Variants in KCNN2 observed in about 807,000 individuals in gnomAD.
KCNN2 encodes the protein small conductance calcium-activated potassium channel protein 2.
A neutral mutation model predicts 55.5 loss-of-function variants in KCNN2; 24 were observed. The ratio of observed to expected loss-of-function variants is 0.43; its 90% confidence interval spans 0.31 to 0.61. The LOEUF (loss-of-function observed/expected upper bound fraction) is 0.61. KCNN2 is among the 20% of genes least tolerant of loss of function. KCNN2 has a pLI of 0.08. For missense variants in KCNN2, 754 were observed against 853.6 expected, an observed-to-expected ratio of 0.88 and a Z score of 1.45; for synonymous variants, 431 against 336.1, an observed-to-expected ratio of 1.28 and a Z score of -3.09.
At chr5:114,073,909 A>G (rs928241033) in intron 1 of KCNN2, among the ~76,000 whole-genome samples, 1 of 152,246 alleles carries the variant, frequency 6.6e-6, no homozygotes, top group African/African-American at 2.4e-5. Flanking sequence ...AAAAATAGAC[A>G]AAATATGGTT....
intron 1 of KCNN2, among the ~76,000 whole-genome samples, chr5:114,103,673 TTGAGA>T (rs1371101055): frequency 2.0e-5 from 3 of 152,176 alleles, no homozygotes; most frequent in African/African-American, 7.2e-5. Context: ...TCTGCATGTA[TTGAGA>T]TAATTGTGTG....
chr5:114,091,627 A>G (rs1364811059), intron 1 of KCNN2, among the ~76,000 whole-genome samples: 1 of 152,176 alleles, frequency 6.6e-6, no homozygotes, highest in Non-Finnish European at 1.5e-5. Context: ...AAGACTGAGT[A>G]ATTTATAAAG....
rs4705645 is a variant in KCNN2, at chr5:114,241,733, C to T, written c.-185+20168C>T. On this transcript the variant is annotated intron_variant, in intron 2 of 10. Coordinates refer to the KCNN2 transcript ENST00000512097. ...ATATATATATATACGTATATATATACATATATACGTATATATATGTATATA... is the reference window on the plus strand; with the variant it reads ...ATATATATATATACGTATATATATATATATATACGTATATATATGTATATA... Among the ~76,000 whole-genome samples the T allele has an allele frequency of 8.1e-4, 43 of 53,312 alleles. 1 individual carries two copies. The highest frequency in any genetic ancestry group is 3.4e-3 in the African/African-American group (36 of 10,462). The allele number at this position is 53,312 out of a possible 152,430, so 35.0% of individuals were successfully genotyped here. A position where few individuals can be genotyped will look rare whatever the true frequency, so the allele number is the denominator to read the frequency against.
chr5:114,433,080 G>A (rs1454659567), intron 3 of KCNN2, among the ~76,000 whole-genome samples: 1 of 152,208 alleles, frequency 6.6e-6, no homozygotes, highest in Non-Finnish European at 1.5e-5. Context: ...CACAGCACGG[G>A]ACTGGCAGGC....
intron 1 of KCNN2, among the ~76,000 whole-genome samples, chr5:114,099,052 A>T (rs575528862): frequency 6.6e-6 from 1 of 152,152 alleles, no homozygotes; most frequent in African/African-American, 2.4e-5. Flanking sequence ...TTTACCACAT[A>T]TTAGGCTTTT....
intron 3 of KCNN2, among the ~76,000 whole-genome samples, chr5:114,426,808 T>C (rs1246561206): frequency 1.4e-4 from 22 of 152,160 alleles, no homozygotes; most frequent in Non-Finnish European, 2.5e-4. Flanking sequence ...GCTCATAGTA[T>C]ATTATGTCTT....
intron 2 of KCNN2, among the ~76,000 whole-genome samples, chr5:114,356,321 A>G (rs1421963549): frequency 3.3e-5 from 5 of 152,118 alleles, no homozygotes; most frequent in Admixed American, 2.6e-4. Flanking sequence ...ATAAGAAACT[A>G]CTTTATAAAC....
At chr5:114,278,827 G>C (rs1392841428) in intron 2 of KCNN2, among the ~76,000 whole-genome samples, 1 of 152,158 alleles carries the variant, frequency 6.6e-6, no homozygotes, top group Non-Finnish European at 1.5e-5. Context: ...GTGCTTCCCG[G>C]GTGAGGCAAT....
At chr5:114,441,723 A>G (rs1760221877) in intron 3 of KCNN2, among the ~76,000 whole-genome samples, 1 of 152,152 alleles carries the variant, frequency 6.6e-6, no homozygotes, top group African/African-American at 2.4e-5. Flanking sequence ...TCAGCAGGCT[A>G]TTACAGATAT....
At chr5:114,217,322 A>C (rs1267955662) in intron 1 of KCNN2, among the ~76,000 whole-genome samples, 1 of 152,132 alleles carries the variant, frequency 6.6e-6, no homozygotes, top group Non-Finnish European at 1.5e-5. Flanking sequence ...ACAAAGTTGG[A>C]AGACTGACAC....
At chr5:114,075,286 AG>A in intron 1 of KCNN2, among the ~76,000 whole-genome samples, 1 of 152,334 alleles carries the variant, frequency 6.6e-6, no homozygotes. Context: ...GGGTTTTGGC[AG>A]GGCAAGAATA....
At chr5:114,172,828 T>A (rs1344743587) in intron 1 of KCNN2, among the ~76,000 whole-genome samples, 2 of 151,862 alleles carry the variant, frequency 1.3e-5, no homozygotes, top group African/African-American at 2.4e-5. Flanking sequence ...ATATTCTGGT[T>A]ATTAATACCT....
intron 1 of KCNN2, among the ~76,000 whole-genome samples, chr5:114,185,572 C>G (rs1257392165): frequency 6.6e-6 from 1 of 152,200 alleles, no homozygotes. Flanking sequence ...TCCCTGTTTT[C>G]CCTATCTTTT....
chr5:114,174,696 C>T (rs1753103150), intron 1 of KCNN2, among the ~76,000 whole-genome samples: 1 of 152,050 alleles, frequency 6.6e-6, no homozygotes, highest in Admixed American at 6.6e-5. Context: ...TGTATATTTC[C>T]CTTCTCGATA....
chr5:114,081,216 C>T (rs1750810720), intron 1 of KCNN2, among the ~76,000 whole-genome samples: 1 of 151,932 alleles, frequency 6.6e-6, no homozygotes, highest in African/African-American at 2.4e-5. Context: ...TCAGGTCTAC[C>T]CCCCAAAATC....
chr5:114,368,288 A>G (rs1757664301), intron 2 of KCNN2, among the ~76,000 whole-genome samples: 2 of 152,186 alleles, frequency 1.3e-5, no homozygotes, highest in African/African-American at 4.8e-5. Flanking sequence ...TAGCATTAGG[A>G]GAAGCAACAA....
intron 1 of KCNN2, among the ~76,000 whole-genome samples, chr5:114,210,163 C>A (rs879485468): frequency 7.2e-5 from 11 of 152,118 alleles, no homozygotes; most frequent in Admixed American, 5.9e-4. Context: ...GGCTCCCAAG[C>A]CTAGTGTTCC....
intron 2 of KCNN2, among the ~76,000 whole-genome samples, chr5:114,400,768 C>T (rs137962208): frequency 1.3e-5 from 2 of 152,118 alleles, no homozygotes; most frequent in Non-Finnish European, 2.9e-5. Flanking sequence ...GAATATTATT[C>T]CTCTGGTTGT....
At chr5:114,342,299 A>G (rs1412339719) in intron 2 of KCNN2, among the ~76,000 whole-genome samples, 1 of 152,084 alleles carries the variant, frequency 6.6e-6, no homozygotes, top group Non-Finnish European at 1.5e-5. Context: ...TTAGGCAAGG[A>G]GCTGTGAGGA....
Sources: allele counts gnomAD v4.1 joint callset (sites outside exome capture counted in the v4.1 genomes callset), GRCh38; gene constraint gnomAD v4.1.1; transcripts MANE v1.5; gene names NCBI Gene and HGNC (gene_info 2026-07-23, HGNC 2026-07-21).